Variants in MORC3 observed in about 807,000 individuals in gnomAD.
MORC3 encodes the protein MORC family CW-type zinc finger 3, also known as MORC family CW-type zinc finger protein 3.
A neutral mutation model predicts 109.1 loss-of-function variants in MORC3; 31 were observed. That is an observed-to-expected ratio of 0.28 (90% CI 0.21 to 0.38). The LOEUF is 0.38. Ranked by LOEUF, MORC3 falls within the 10% of genes least tolerant of loss-of-function variation. The pLI, the probability that MORC3 is intolerant of heterozygous loss-of-function variation, is 1.00. For missense variants in MORC3, 867 were observed against 1,135.8 expected, an observed-to-expected ratio of 0.76 and a Z score of 3.40; for synonymous variants, 395 against 380.7, an observed-to-expected ratio of 1.04 and a Z score of -0.44.
intron 15 of MORC3, among the ~76,000 whole-genome samples, chr21:36,370,207 C>CA (rs1025458168): frequency 9.9e-5 from 15 of 151,852 alleles, no homozygotes; most frequent in African/African-American, 3.4e-4. Flanking sequence ...GACTCTGTCT[C>CA]AAAAAAAAGC....
Position 36,369,405 on chromosome 21 carries a change from T to C in MORC3, c.2037T>C (p.His679=), listed in dbSNP as rs368114594. The C allele has an allele frequency of 5.0e-6, 8 of 1,614,164 alleles. No homozygotes were observed. Among genetic ancestry groups the C allele is most frequent in the Non-Finnish European group, 5.9e-6 (7 of 1,180,034 alleles). The change falls in exon 15 of 17, where the codon CAT becomes CAC. Residue 679 remains histidine (H), a synonymous_variant. Coordinates refer to ENST00000400485, the MANE Select transcript of MORC3 (RefSeq NM_015358.3). ...PSCVEAEAKI[H]ETQETTDKSA... ...GTGTAGAAGCTGAAGCAAAGATACA[T>C]GAAACCCAGGAAACCACCGATAAAT...
intron 9 of MORC3, among the ~76,000 whole-genome samples, chr21:36,351,061 T>A (rs2085565538): frequency 8.0e-6 from 1 of 125,014 alleles, no homozygotes; most frequent in Non-Finnish European, 1.7e-5. Context: ...GTCCTCCTTT[T>A]TTTTTTTTTT....
chr21:36,349,340 A>C lies in MORC3; in HGVS notation c.1035A>C (p.Gly345=). Residue 345 remains glycine (G), a synonymous_variant, in exon 9 of 17, where the codon GGA becomes GGC. Transcript: ENST00000400485. ...ACAACATGGGTGTTGGAGTGGTTGG[A>C]ATTATAGAGTGTAATTTCCTTAAGC... ...RANNMGVGVV[G]IIECNFLKPT... The C allele has an allele frequency of 6.2e-7, 1 of 1,611,272 alleles. No homozygotes were observed. The highest frequency in any genetic ancestry group is 8.5e-7 in the Non-Finnish European group (1 of 1,179,138).
In MORC3 at chr21:36,369,100, A is replaced by G. The variant is rs914363866; in HGVS notation, c.1732A>G (p.Ile578Val). 1 of 1,614,048 alleles carries G rather than the reference A, an allele frequency of 6.2e-7. No individual in the cohort carries two copies. Among genetic ancestry groups the G allele is most frequent in the Non-Finnish European group, 8.5e-7 (1 of 1,180,024 alleles). ...AGGTGATGATGATGATGAAGATGTCATCATCTTAGAAGAAAACAGTACCCC... is the reference window on the plus strand; with the variant it reads ...AGGTGATGATGATGATGAAGATGTCGTCATCTTAGAAGAAAACAGTACCCC... Reference protein sequence around the residue: ...YKGDDDDEDVIILEENSTPKP... With the variant: ...YKGDDDDEDVVILEENSTPKP... Residue 578 changes from isoleucine to valine, a missense_variant, in exon 15 of 17, where the codon ATC (isoleucine) becomes GTC (valine). By Grantham distance (29) the Ile-to-Val change is conservative. Transcript: ENST00000400485.
At chr21:36,367,073 T>G (rs2085789418) in intron 14 of MORC3, among the ~76,000 whole-genome samples, 1 of 152,212 alleles carries the variant, frequency 6.6e-6, no homozygotes, top group South Asian at 2.1e-4. Flanking sequence ...GTTGGAAACT[T>G]AAAGTCGAGA....
At chr21:36,374,825 C>G (rs2085912035) in intron 16 of MORC3, among the ~76,000 whole-genome samples, 1 of 152,026 alleles carries the variant, frequency 6.6e-6, no homozygotes, top group Non-Finnish European at 1.5e-5. Flanking sequence ...GTGTCGTCAC[C>G]AAGCCCGGCT....
rs1338212025 is a variant in MORC3 at position 36,369,834 on chromosome 21, A to G, written c.2466A>G (p.Gln822=). 2 of 1,613,838 alleles carry G rather than the reference A, an allele frequency of 1.2e-6. No homozygotes were observed. Among genetic ancestry groups the G allele is most frequent in the South Asian group, 1.1e-5 (1 of 91,050 alleles). ...MAVQLDDVFR[Q]LDKCSIERDQ... is the part of the protein sequence containing the mutation. ...TGCAGCTTGACGATGTGTTTAGACA[A>G]CTGGACAAATGCAGTATTGAGAGGG... The change falls in exon 15 of 17, where the codon CAA becomes CAG. Residue 822 remains glutamine, a synonymous_variant. Coordinates refer to ENST00000400485, the MANE Select transcript of MORC3 (RefSeq NM_015358.3).
intron 1 of MORC3, among the ~76,000 whole-genome samples, chr21:36,327,323 A>AGCAGGAGCTTAGTCCAAAACAGTGGCC (rs1569087137): frequency 1.3e-4 from 20 of 149,618 alleles, no homozygotes; most frequent in African/African-American, 5.0e-4. Flanking sequence ...CACCTGGCTA[A>AGCAGGAGCTTAGTCCAAAACAGTGGCC]TTTTTTTGGC....
intron 4 of MORC3, 146 bp from the exon 5 acceptor site, chr21:36,338,628 A>G: frequency 1.3e-6 from 1 of 747,792 alleles, no homozygotes; most frequent in Non-Finnish European, 2.0e-6. Context: ...TAGCCTAAGC[A>G]ATAGTGAGAC....
At chr21:36,355,388 C>G (rs553198373) in intron 9 of MORC3, among the ~76,000 whole-genome samples, 2 of 152,224 alleles carry the variant, frequency 1.3e-5, no homozygotes, top group South Asian at 2.1e-4. Flanking sequence ...TAGACCCAGT[C>G]AGAAAAAGAA....
rs1063308 is a variant in MORC3, at chr21:36,375,309, G to A, written c.*13G>A. 0.025 allele frequency: 39,696 copies of A among 1,591,524 alleles called. 654 individuals are homozygous for A. Among genetic ancestry groups the A allele is most frequent in the Admixed American group, 0.067 (3,884 of 57,974 alleles). On this transcript the variant is annotated 3_prime_UTR_variant, in exon 17 of 17. Coordinates refer to ENST00000400485, the MANE Select transcript of MORC3 (RefSeq NM_015358.3). ...CAGTAGTACTTAAAGTATATGTTAT[G>A]TAAGATAAAATATTTGCTCAATTCT...
At chr21:36,366,519 A>G (rs2085783532) in intron 14 of MORC3, among the ~76,000 whole-genome samples, 1 of 151,878 alleles carries the variant, frequency 6.6e-6, no homozygotes, top group African/African-American at 2.4e-5. Flanking sequence ...GTGCAGTGGC[A>G]TAATCTGTTT....
At chr21:36,328,340 G>A (rs878859235) in intron 1 of MORC3, among the ~76,000 whole-genome samples, 3 of 129,544 alleles carry the variant, frequency 2.3e-5, no homozygotes, top group Non-Finnish European at 5.0e-5. Flanking sequence ...GCCCCCCCCC[G>A]CCTTTTTTTT....
intron 14 of MORC3, among the ~76,000 whole-genome samples, chr21:36,365,494 T>A (rs866472954): frequency 2.6e-5 from 4 of 152,208 alleles, no homozygotes; most frequent in Middle Eastern, 3.2e-3. Context: ...CTCAAAGGAA[T>A]TTTTGACCCC....
chr21:36,365,005 TCA>T (rs1195029103), intron 14 of MORC3, among the ~76,000 whole-genome samples: 44 of 133,650 alleles, frequency 3.3e-4, no homozygotes, highest in Non-Finnish European at 5.0e-4. Flanking sequence ...TGAGCCGAGA[TCA>T]CGCCACTGCA....
chr21:36,368,866 C>T, intron 14 of MORC3, 122 bp from the exon 15 acceptor site: 2 of 887,902 alleles, frequency 2.3e-6, no homozygotes, highest in Non-Finnish European at 1.7e-6. Flanking sequence ...GACAGAGTGA[C>T]ACTCCATCTC....
chr21:36,364,049 A>T (rs759711402), intron 13 of MORC3, 44 bp from the exon 14 acceptor site: 1 of 1,583,470 alleles, frequency 6.3e-7, no homozygotes, highest in Non-Finnish European at 8.6e-7. Flanking sequence ...GGCATGTCAC[A>T]CTAGAAATAG....
At chr21:36,359,831 AC>A in intron 10 of MORC3, 123 bp from the exon 11 acceptor site, 1 of 1,385,764 alleles carries the variant, frequency 7.2e-7, no homozygotes, top group Non-Finnish European at 1.0e-6. Context: ...TGAAAGAGTT[AC>A]GTCATAATTT....
At chr21:36,322,464 C>A (rs920800530) in intron 1 of MORC3, among the ~76,000 whole-genome samples, 1 of 152,110 alleles carries the variant, frequency 6.6e-6, no homozygotes, top group Non-Finnish European at 1.5e-5. Context: ...CTCCACCTCC[C>A]GGATTCAAGC....
Sources: allele counts gnomAD v4.1 joint callset (sites outside exome capture counted in the v4.1 genomes callset), GRCh38; gene constraint gnomAD v4.1.1; transcripts MANE v1.5; gene names NCBI Gene and HGNC (gene_info 2026-07-23, HGNC 2026-07-21).